Variants in TDRD6 observed in about 807,000 individuals in gnomAD.
The protein encoded by TDRD6 is tudor domain-containing protein 6.
Under a neutral mutation model 157.5 loss-of-function variants are expected in TDRD6, and 186 were observed. The observed-to-expected ratio is 1.18, with a 90% CI of 1.05 to 1.33. The LOEUF is 1.33. Ranked by LOEUF, TDRD6 falls within the 40% of genes most tolerant of loss-of-function variation. The pLI is 0.00. For synonymous variants in TDRD6, 1,075 were observed against 945.2 expected (o/e 1.14, Z -2.52); for missense variants, 3,066 against 2,508.0 (o/e 1.22, Z -4.75).
At chr6:46,698,583 A>G (rs1452223593) in intron 3 of TDRD6, among the ~76,000 whole-genome samples, 1 of 152,184 alleles carries the variant, frequency 6.6e-6, no homozygotes, top group African/African-American at 2.4e-5. Context: ...TTGCCATGAC[A>G]TTATGATGTG....
chr6:46,686,961 G>GT (rs1207776686), upstream of TDRD6, among the ~76,000 whole-genome samples: 4 of 152,186 alleles, frequency 2.6e-5, no homozygotes, highest in Non-Finnish European at 5.9e-5. Flanking sequence ...CTGCCTTGTT[G>GT]TATTTGTATG....
chr6:46,694,051 TG>T lies in TDRD6; in HGVS notation c.5924del (p.Cys1975LeufsTer6). 6.2e-7 allele frequency: 1 copy of T among 1,613,944 alleles called. No homozygotes were observed. The highest frequency in any genetic ancestry group is 1.1e-5 in the South Asian group (1 of 91,024). ...DPKTQNEMNI[C>X]EEEFVEYKNR... ...TAAAACACAGAATGAAATGAATATA[TG>T]TGAAGAAGAATTTGTAGAGTATAAA... On this transcript the variant is annotated frameshift_variant, in exon 1 of 4. Transcript: ENST00000316081. LOFTEE classifies it high-confidence loss of function.
At position 46,688,630 on chromosome 6, in the gene TDRD6, G is replaced by C. The variant is rs373859512; in HGVS notation, c.502G>C (p.Gly168Arg). Residue 168 changes from glycine to arginine, a missense_variant, in exon 1 of 4, where the codon GGG (glycine) becomes CGG (arginine). Coordinates refer to ENST00000316081, the MANE Select transcript of TDRD6 (RefSeq NM_001010870.3). Reference protein sequence around the residue: ...LSNLQGKEVHGCVLDVLLLHR... With the variant: ...LSNLQGKEVHRCVLDVLLLHR... ...CAACCTTCAGGGCAAGGAGGTGCAC[G>C]GGTGCGTCCTGGACGTGCTGCTGCT... is the stretch of plus-strand genomic sequence containing the variant. 1 of 1,599,224 alleles carries C rather than the reference G, an allele frequency of 6.3e-7. No homozygotes were observed. Among genetic ancestry groups the C allele is most frequent in the Non-Finnish European group, 8.5e-7 (1 of 1,179,856 alleles).
At position 46,688,130 on chromosome 6, in the gene TDRD6, TGTGCTCGACGCCCGGAATGCCGGCGCCGG is replaced by T; in HGVS notation, c.4_32del (p.Cys2_?11). 6.5e-7 allele frequency: 1 copy of T among 1,530,090 alleles called. No homozygotes were observed. Among genetic ancestry groups the T allele is most frequent in the Non-Finnish European group, 8.7e-7 (1 of 1,145,908 alleles). 94.8% of individuals were successfully genotyped at this position (1,530,090 alleles called of 1,614,324 possible). ...TGGGGGCCGCGCCGCGCCGTCAAGATGTGCTCGACGCCCGGAATGCCGGCGCCGGGGGCCTCGCTGGCCCTGCGGGTGTC... is the reference window on the plus strand; with the variant it reads ...TGGGGGCCGCGCCGCGCCGTCAAGATGGGCCTCGCTGGCCCTGCGGGTGTC... On this transcript the variant is annotated frameshift_variant and start_lost, in exon 1 of 4. Coordinates refer to ENST00000316081, the MANE Select transcript of TDRD6 (RefSeq NM_001010870.3). LOFTEE classifies it high-confidence loss of function.
At chr6:46,681,270 C>T in the TDRD6 span, among the ~76,000 whole-genome samples, 1 of 152,124 alleles carries the variant, frequency 6.6e-6, no homozygotes, top group Admixed American at 6.5e-5. Context: ...GTGTTTAAAA[C>T]ATGTCATAAT....
chr6:46,683,362 CA>C (rs536352983), upstream of TDRD6, among the ~76,000 whole-genome samples: 145 of 152,038 alleles, frequency 9.5e-4, no homozygotes, highest in Middle Eastern at 3.4e-3. Flanking sequence ...AACTTCTAAA[CA>C]AAAACATTGA....
intron 2 of TDRD6, 57 bp from the exon 3 acceptor site, chr6:46,697,941 A>G: frequency 1.1e-6 from 1 of 951,338 alleles, no homozygotes; most frequent in Non-Finnish European, 1.6e-6. Flanking sequence ...GCTCTGGTAC[A>G]TAAATCAGTT....
chr6:46,684,717 T>C (rs1180279634), upstream of TDRD6, among the ~76,000 whole-genome samples: 2 of 152,196 alleles, frequency 1.3e-5, no homozygotes, highest in Admixed American at 6.5e-5. Flanking sequence ...GTAGGACCCT[T>C]TGGTATTGAT....
chr6:46,686,823 G>A (rs952562701), upstream of TDRD6, among the ~76,000 whole-genome samples: 1 of 152,236 alleles, frequency 6.6e-6, no homozygotes, highest in Non-Finnish European at 1.5e-5. Context: ...AGATCAGACA[G>A]TTGCCACACA....
chr6:46,689,646 G>A lies in TDRD6; in HGVS notation c.1518G>A (p.Leu506=), dbSNP rs779024449. 6 of 1,614,228 alleles carry A rather than the reference G, an allele frequency of 3.7e-6. No individual in the cohort carries two copies. In the East Asian group the frequency reaches 1.3e-4, roughly 36 times the overall value. The change falls in exon 1 of 4, where the codon TTG becomes TTA. Residue 506 remains leucine, a synonymous_variant. Transcript: ENST00000316081. The stretch of plus-strand genomic sequence containing the variant: ...ATCCTTCTGAGTTTTGGATTAGGTT[G>A]AGGAAACACAATGTCACCTTCAGTA... ...VKNPSEFWIR[L]RKHNVTFSKL...
At position 46,703,381 on chromosome 6, in the gene TDRD6, C is replaced by A. The variant is rs1232752824; in HGVS notation, c.*1494C>A. Reference sequence around the variant, plus strand: ...ATAATGAATAGACAAGTTTGGCTTACTCATATAGATAATATAATGTGAATT... The same window carrying A: ...ATAATGAATAGACAAGTTTGGCTTAATCATATAGATAATATAATGTGAATT... On this transcript the variant is annotated 3_prime_UTR_variant, in exon 4 of 4. Coordinates refer to ENST00000316081, the MANE Select transcript of TDRD6 (RefSeq NM_001010870.3). The A allele has an allele frequency of 6.6e-6, 1 of 152,008 alleles. No homozygotes were observed. Among genetic ancestry groups the A allele is most frequent in the Admixed American group, 6.6e-5 (1 of 15,234 alleles). 9.4% of individuals were successfully genotyped at this position (152,008 alleles called of 1,614,324 possible).
At position 46,692,183 on chromosome 6, in the gene TDRD6, C is replaced by G; in HGVS notation, c.4055C>G (p.Pro1352Arg). 1 of 1,614,118 alleles carries G rather than the reference C, an allele frequency of 6.2e-7. No individual in the cohort carries two copies. Among genetic ancestry groups the G allele is most frequent in the Non-Finnish European group, 8.5e-7 (1 of 1,179,996 alleles). ...AGGCCCGAATATTATGTAGGTCCAC[C>G]TTTGCAAAGAGGAGATATGATATGT... Reference protein sequence around the residue: ...KTRPEYYVGPPLQRGDMICAV... With the variant: ...KTRPEYYVGPRLQRGDMICAV... Residue 1352 changes from proline (P) to arginine (R), a missense_variant, in exon 1 of 4, where the codon CCT (proline) becomes CGT (arginine). Pro to Arg is a moderately radical substitution (Grantham distance 103, BLOSUM62 -2). Transcript: ENST00000316081.
chr6:46,693,102 A>G lies in TDRD6; in HGVS notation c.4974A>G (p.Ile1658Met). The G allele has an allele frequency of 1.2e-6, 2 of 1,613,838 alleles. No individual in the cohort carries two copies. Among genetic ancestry groups the G allele is most frequent in the Non-Finnish European group, 1.7e-6 (2 of 1,179,930 alleles). The change falls in exon 1 of 4, where the codon ATA becomes ATG. Residue 1658 changes from isoleucine (I) to methionine (M), a missense_variant. Coordinates refer to ENST00000316081, the MANE Select transcript of TDRD6 (RefSeq NM_001010870.3). The stretch of plus-strand genomic sequence containing the variant: ...GAAATGACTATTTCTATGAAATAAT[A>G]ACAGAAGATGTGTTGGAAATAACAA... The part of the protein sequence containing the change: ...QEGNDYFYEI[I>M]TEDVLEITIL...
chr6:46,699,124 C>G (rs1166053346), intron 3 of TDRD6, among the ~76,000 whole-genome samples: 2 of 152,136 alleles, frequency 1.3e-5, no homozygotes, highest in Admixed American at 1.3e-4. Context: ...AGGAGTTAAA[C>G]ATTTTCAACT....
In TDRD6 at chr6:46,689,765, A is replaced by G. The variant is rs1764249476; in HGVS notation, c.1637A>G (p.Lys546Arg). The G allele has an allele frequency of 1.2e-6, 2 of 1,614,062 alleles. No homozygotes were observed. The highest frequency in any genetic ancestry group is 1.1e-5 in the South Asian group (1 of 91,092). The change falls in exon 1 of 4, where the codon AAG becomes AGG. Residue 546 changes from lysine (K) to arginine (R), a missense_variant. By Grantham distance (26) the Lys-to-Arg change is conservative. Transcript: ENST00000316081. ...GAACCTGATGACCTTTGCTGTGTCA[A>G]GTGGAAAGAAAATGGTTATTATAGG... Reference protein sequence around the residue: ...KPEPDDLCCVKWKENGYYRAI... With the variant: ...KPEPDDLCCVRWKENGYYRAI...
chr6:46,695,980 A>G, intron 2 of TDRD6, 35 bp downstream of exon 2: 2 of 1,596,704 alleles, frequency 1.3e-6, no homozygotes, highest in South Asian at 1.1e-5. Flanking sequence ...CTCCAAATGT[A>G]TTTGCAGACT....
upstream of TDRD6, among the ~76,000 whole-genome samples, chr6:46,686,476 T>TAAAAAAAAAA: frequency 7.8e-6 from 1 of 127,834 alleles, no homozygotes; most frequent in African/African-American, 2.9e-5. Context: ...TAGAAGTATG[T>TAAAAAAAAAA]AAAAAAAAAA....
chr6:46,691,451 CAGA>C lies in TDRD6; in HGVS notation c.3329_3331del (p.Glu1110del), dbSNP rs1764315144. ...TTATCTGATATTCCTGATCATATACCAGAAGAAGTGGTGGTGTGGTTTCAGGAG... is the reference window on the plus strand; with the variant it reads ...TTATCTGATATTCCTGATCATATACCAGAAGTGGTGGTGTGGTTTCAGGAG... On this transcript the variant is annotated inframe_deletion, in exon 1 of 4. Transcript: ENST00000316081. 3 of 1,613,840 alleles carry C rather than the reference CAGA, an allele frequency of 1.9e-6. No homozygotes were observed. In the South Asian group the frequency reaches 3.3e-5, roughly 18 times the overall value.
rs1764664019 is a variant in TDRD6, at chr6:46,703,113, AC to A, written c.*1227del. ...ACAAAAGACTGTAAAAAACAAACAA[AC>A]AAAAAAGTGTTGAATGGGACATCCA... On this transcript the variant is annotated 3_prime_UTR_variant, in exon 4 of 4. Transcript: ENST00000316081. The A allele has an allele frequency of 6.6e-6, 1 of 152,100 alleles. No homozygotes were observed. The highest frequency in any genetic ancestry group is 1.5e-5 in the Non-Finnish European group (1 of 67,962). 9.4% of individuals were successfully genotyped at this position (152,100 alleles called of 1,614,324 possible).
Sources: allele counts gnomAD v4.1 joint callset (sites outside exome capture counted in the v4.1 genomes callset), GRCh38; gene constraint gnomAD v4.1.1; transcripts MANE v1.5; gene names NCBI Gene and HGNC (gene_info 2026-07-23, HGNC 2026-07-21).